COLEC10: variants seen among roughly 807,000 people sequenced by gnomAD.
COLEC10 encodes collectin subfamily member 10.
Under a neutral mutation model 28.4 loss-of-function variants are expected in COLEC10, and 22 were observed. That is an observed-to-expected ratio of 0.78 (90% CI 0.55 to 1.11). COLEC10 has a LOEUF of 1.11. Ranked by LOEUF, COLEC10 falls within the 50% of genes least tolerant of loss-of-function variation. COLEC10 has a pLI of 0.00. For missense variants in COLEC10, 361 were observed against 344.1 expected (o/e 1.05, Z -0.39); for synonymous variants, 125 against 116.1 (o/e 1.08, Z -0.49).
chr8:119,010,206 T>A (rs540723634), intron 2 of COLEC10, among the ~76,000 whole-genome samples: 1 of 150,942 alleles, frequency 6.6e-6, no homozygotes, highest in Admixed American at 6.6e-5. Context: ...CAGCCACTGA[T>A]CTTTTTACTA....
intron 1 of COLEC10, among the ~76,000 whole-genome samples, chr8:119,076,858 A>G (rs562934012): frequency 6.6e-6 from 1 of 152,214 alleles, no homozygotes; most frequent in Non-Finnish European, 1.5e-5. Flanking sequence ...AGAGGCCCAT[A>G]TGTCCAATGG....
At position 119,089,745 on chromosome 8, in the gene COLEC10, C is replaced by T. The variant is rs1437823506; in HGVS notation, c.214C>T (p.Pro72Ser). 4 of 1,612,422 alleles carry T rather than the reference C, an allele frequency of 2.5e-6. No individual in the cohort carries two copies. The highest frequency in any genetic ancestry group is 3.4e-6 in the Non-Finnish European group (4 of 1,178,826). Residue 72 changes from proline to serine, a missense_variant, in exon 2 of 6, where the codon CCG becomes TCG. Transcript: ENST00000332843. ...GCATGGCAAAGTGGGACGCATGGGG[C>T]CGAAAGGTAACTAAAATGATGTGAA... ...GKHGKVGRMG[P>S]KGIKGELGDM...
At chr8:118,967,811 T>C in the COLEC10 span, among the ~76,000 whole-genome samples, 1 of 152,120 alleles carries the variant, frequency 6.6e-6, no homozygotes, top group Non-Finnish European at 1.5e-5. Flanking sequence ...CATATTTTCA[T>C]TAATCATATT....
chr8:119,083,372 T>A (rs541772319), intron 1 of COLEC10, among the ~76,000 whole-genome samples: 1 of 152,188 alleles, frequency 6.6e-6, no homozygotes, highest in African/African-American at 2.4e-5. Flanking sequence ...AAAATGAGAC[T>A]TGTGGGCTCT....
At chr8:119,065,140 C>T (rs1006007392), upstream of COLEC10, among the ~76,000 whole-genome samples, 1 of 152,114 alleles carries the variant, frequency 6.6e-6, no homozygotes, top group African/African-American at 2.4e-5. Flanking sequence ...CTGTTTAAGC[C>T]AGGGGTCCCC....
At chr8:118,978,129 T>C in the COLEC10 span, among the ~76,000 whole-genome samples, 1 of 152,162 alleles carries the variant, frequency 6.6e-6, no homozygotes, top group Non-Finnish European at 1.5e-5. Context: ...GAGCCAAAGA[T>C]AAAATCAAGT....
At chr8:118,970,497 A>T in the COLEC10 span, among the ~76,000 whole-genome samples, 2 of 152,036 alleles carry the variant, frequency 1.3e-5, no homozygotes, top group Non-Finnish European at 2.9e-5. Flanking sequence ...ACTTAACTGT[A>T]AATGGTACTA....
intron 2 of COLEC10, among the ~76,000 whole-genome samples, chr8:119,031,197 G>A (rs1411634059): frequency 6.6e-6 from 1 of 152,132 alleles, no homozygotes; most frequent in Non-Finnish European, 1.5e-5. Context: ...ATATCATGTG[G>A]CAGTGAATGA....
intron 3 of COLEC10, among the ~76,000 whole-genome samples, chr8:119,093,320 T>C (rs1330993054): frequency 2.6e-5 from 4 of 152,116 alleles, no homozygotes; most frequent in Non-Finnish European, 5.9e-5. Flanking sequence ...ATTTGAGAAA[T>C]TCCCTTCAGC....
chr8:119,012,618 AGG>A (rs1426502643), intron 2 of COLEC10, among the ~76,000 whole-genome samples: 2 of 150,726 alleles, frequency 1.3e-5, no homozygotes, highest in Non-Finnish European at 2.9e-5. Context: ...GTGTCTTGGA[AGG>A]TTATTAATTA....
intron 2 of COLEC10, among the ~76,000 whole-genome samples, chr8:119,060,483 C>T (rs946814836): frequency 6.6e-5 from 10 of 152,092 alleles, no homozygotes; most frequent in African/African-American, 1.7e-4. Flanking sequence ...GAGGACTATA[C>T]CTGGTATATC....
intron 2 of COLEC10, among the ~76,000 whole-genome samples, chr8:119,012,003 A>C (rs2130086749): frequency 6.6e-6 from 1 of 150,788 alleles, no homozygotes. Context: ...TATGATATTG[A>C]AAAGAGGTAG....
At chr8:118,977,787 A>AAT in the COLEC10 span, among the ~76,000 whole-genome samples, 21 of 150,792 alleles carry the variant, frequency 1.4e-4, no homozygotes, top group Admixed American at 3.3e-4. Context: ...AACTAAAAAA[A>AAT]ATATATATAT....
intron 3 of COLEC10, among the ~76,000 whole-genome samples, chr8:119,093,670 T>G (rs1815655918): frequency 1.3e-5 from 2 of 152,232 alleles, no homozygotes; most frequent in African/African-American, 4.8e-5. Flanking sequence ...TTAAAGATAC[T>G]ACTCCCCTAA....
intron 3 of COLEC10, among the ~76,000 whole-genome samples, chr8:119,098,334 A>G (rs1815761308): frequency 1.3e-5 from 2 of 152,076 alleles, no homozygotes; most frequent in Non-Finnish European, 2.9e-5. Flanking sequence ...AAGTGGATGA[A>G]CTTCCAGAGA....
At chr8:119,023,646 G>C (rs1814135863) in intron 2 of COLEC10, among the ~76,000 whole-genome samples, 1 of 152,084 alleles carries the variant, frequency 6.6e-6, no homozygotes, top group Non-Finnish European at 1.5e-5. Context: ...TGTTGAAAGA[G>C]TGAATAACAG....
chr8:119,077,251 T>TTTC (rs1554628167), intron 1 of COLEC10, among the ~76,000 whole-genome samples: 3 of 125,002 alleles, frequency 2.4e-5, no homozygotes, highest in African/African-American at 8.1e-5. Context: ...TGATTTTTTT[T>TTTC]TTTTTTTTTT....
Position 119,106,516 on chromosome 8 carries a change from C to A in COLEC10, c.*325C>A. On this transcript the variant is annotated 3_prime_UTR_variant, in exon 6 of 6. Coordinates refer to ENST00000332843, the MANE Select transcript of COLEC10 (RefSeq NM_006438.5). ...TTTGCTCTACCATCTCTCCCTAGAG[C>A]ACTCTGTGTCTATCCCAGTGGATAA... The A allele has an allele frequency of 4.4e-6, 1 of 226,582 alleles. No homozygotes were observed. The highest frequency in any genetic ancestry group is 9.0e-6 in the Non-Finnish European group (1 of 111,656). 14.0% of individuals were successfully genotyped at this position (226,582 alleles called of 1,614,324 possible).
chr8:119,091,947 G>A (rs1289445216), intron 3 of COLEC10, among the ~76,000 whole-genome samples: 1 of 152,012 alleles, frequency 6.6e-6, no homozygotes, highest in Non-Finnish European at 1.5e-5. Context: ...GCAGAGGACA[G>A]TAAAATTTTC....
Sources: allele counts gnomAD v4.1 joint callset (sites outside exome capture counted in the v4.1 genomes callset), GRCh38; gene constraint gnomAD v4.1.1; transcripts MANE v1.5; gene names NCBI Gene and HGNC (gene_info 2026-07-23, HGNC 2026-07-21).